The following ZNF185 variants were observed in gnomAD, a reference collection of about 807,000 sequenced individuals.
The protein encoded by ZNF185 is zinc finger protein 185.
Under a neutral mutation model 58.6 loss-of-function variants are expected in ZNF185, and 56 were observed. The ratio of observed to expected loss-of-function variants is 0.95; its 90% CI spans 0.77 to 1.19. The LOEUF is 1.19. Among genes scored for constraint, ZNF185 ranks in the 50% most tolerant of loss-of-function variants. The pLI is 0.00. For missense variants in ZNF185, 627 were observed against 573.5 expected, an observed-to-expected ratio of 1.09 and a Z score of -0.95; for synonymous variants, 230 against 215.9, an observed-to-expected ratio of 1.07 and a Z score of -0.57.
At chrX:152,935,016 G>A (rs2046100941) in intron 14 of ZNF185, among the ~76,000 whole-genome samples, 1 of 110,498 alleles carries the variant, frequency 9.0e-6, no homozygotes, top group Non-Finnish European at 1.9e-5. Flanking sequence ...TAGAGACGAG[G>A]TTTTACCAGG....
intron 15 of ZNF185, 93 bp from the exon 18 acceptor site, chrX:152,945,174 G>A: frequency 1.0e-6 from 1 of 995,912 alleles, no homozygotes; most frequent in African/African-American, 1.9e-5. Flanking sequence ...GTCCCTCCAA[G>A]TCCACAGGAG....
intron 15 of ZNF185, among the ~76,000 whole-genome samples, chrX:152,944,870 T>A (rs1214417802): frequency 9.0e-6 from 1 of 111,477 alleles, no homozygotes; most frequent in African/African-American, 3.3e-5. Flanking sequence ...AGTGTAGACC[T>A]GTAGTCTCTG....
chrX:152,909,597 C>G (rs1369501428), upstream of ZNF185, among the ~76,000 whole-genome samples: 1 of 112,594 alleles, frequency 8.9e-6, no homozygotes, highest in Non-Finnish European at 1.9e-5. Context: ...GGGGTGCCAC[C>G]GCCACTGCCA....
chrX:152,957,553 C>T (rs1004474659), intron 16 of ZNF185, among the ~76,000 whole-genome samples: 2 of 111,857 alleles, frequency 1.8e-5, no homozygotes, highest in African/African-American at 6.5e-5. Flanking sequence ...AATTCCTGTT[C>T]CCTGGAAGGT....
the ZNF185 span, among the ~76,000 whole-genome samples, chrX:152,902,648 G>A: frequency 1.8e-5 from 2 of 112,629 alleles, no homozygotes; most frequent in African/African-American, 3.2e-5. Flanking sequence ...CCGCTAGGCC[G>A]ATCCCCCCAG....
At chrX:152,902,076 G>T in the ZNF185 span, among the ~76,000 whole-genome samples, 1 of 112,494 alleles carries the variant, frequency 8.9e-6, no homozygotes, top group East Asian at 2.8e-4. Flanking sequence ...CCAGCCAAGA[G>T]AGCAATTCCT....
At chrX:152,938,313 C>G in intron 15 of ZNF185, 150 bp downstream of exon 17, 1 of 490,328 alleles carries the variant, frequency 2.0e-6, no homozygotes, top group Non-Finnish European at 3.3e-6. Flanking sequence ...CCAACCAGAA[C>G]CCTCTGGCTT....
At chrX:152,948,385 T>C (rs2047983933) in intron 16 of ZNF185, among the ~76,000 whole-genome samples, 1 of 111,353 alleles carries the variant, frequency 9.0e-6, no homozygotes, top group Admixed American at 9.5e-5. Flanking sequence ...GGGGAAGGTT[T>C]CCTATAGGTG....
intron 14 of ZNF185, chrX:152,936,467 C>T: frequency 8.6e-7 from 1 of 1,166,584 alleles, no homozygotes; most frequent in Non-Finnish European, 1.1e-6. Flanking sequence ...CCAGGATGGG[C>T]ACAGTGCCAA....
At chrX:152,929,219 G>C (rs1046276878) in intron 12 of ZNF185, among the ~76,000 whole-genome samples, 7 of 110,854 alleles carry the variant, frequency 6.3e-5, no homozygotes, top group Non-Finnish European at 1.1e-4. Context: ...CTGTGCTGGG[G>C]AGGGGTGGGT....
intron 16 of ZNF185, among the ~76,000 whole-genome samples, chrX:152,956,293 T>C (rs1480230366): frequency 8.9e-6 from 1 of 112,191 alleles, no homozygotes; most frequent in Admixed American, 9.5e-5. Flanking sequence ...ACGAAGAGTC[T>C]ACTCACTTCA....
intron 16 of ZNF185, among the ~76,000 whole-genome samples, chrX:152,957,724 G>A (rs1032976111): frequency 9.8e-5 from 11 of 112,488 alleles, no homozygotes; most frequent in Admixed American, 6.5e-4. Flanking sequence ...AAGCTTATGG[G>A]GGCCCAAGCC....
At chrX:152,935,155 C>T (rs782527295) in intron 14 of ZNF185, among the ~76,000 whole-genome samples, 19 of 110,682 alleles carry the variant, frequency 1.7e-4, no homozygotes, top group Non-Finnish European at 3.2e-4. Flanking sequence ...TTGGTTGAAT[C>T]CACAGATGTG....
At chrX:152,924,426 T>C (rs1940432542) in intron 11 of ZNF185, among the ~76,000 whole-genome samples, 1 of 111,040 alleles carries the variant, frequency 9.0e-6, no homozygotes, top group African/African-American at 3.3e-5. Flanking sequence ...CAGACCCTAA[T>C]CACTTCTTAT....
At chrX:152,917,027 T>C in intron 3 of ZNF185, 104 bp from the exon 5 acceptor site, 1 of 1,117,355 alleles carries the variant, frequency 8.9e-7, no homozygotes, top group East Asian at 3.0e-5. Context: ...CCTGGAGCAC[T>C]TGCCAGCCAA....
chrX:152,903,736 G>A, the ZNF185 span, among the ~76,000 whole-genome samples: 1 of 111,661 alleles, frequency 9.0e-6, no homozygotes, highest in South Asian at 3.8e-4. Context: ...TTCCCTGAAC[G>A]GTCGCTTGTA....
At chrX:152,946,743 G>C (rs1300944987) in intron 16 of ZNF185, among the ~76,000 whole-genome samples, 1 of 112,045 alleles carries the variant, frequency 8.9e-6, no homozygotes, top group Non-Finnish European at 1.9e-5. Flanking sequence ...AAGGCATTCC[G>C]AGTGGAGGCT....
the ZNF185 span, among the ~76,000 whole-genome samples, chrX:152,905,929 G>A: frequency 8.9e-6 from 1 of 112,399 alleles, no homozygotes; most frequent in East Asian, 2.8e-4. Context: ...GGGCTCTGGG[G>A]CTTGGGCAGC....
intron 15 of ZNF185, among the ~76,000 whole-genome samples, chrX:152,942,699 C>G (rs1021304725): frequency 8.9e-6 from 1 of 112,021 alleles, no homozygotes; most frequent in African/African-American, 3.3e-5. Flanking sequence ...CATTATGTTG[C>G]AAGCATGGGC....
Sources: gnomAD v4.1 joint callset for allele counts (sites outside exome capture counted in the v4.1 genomes callset) on GRCh38, gnomAD v4.1.1 for gene constraint, MANE v1.5 for transcripts, NCBI Gene and HGNC (gene_info 2026-07-23, HGNC 2026-07-21) for gene names.